The following CAST variants were observed in gnomAD, a reference collection of about 807,000 sequenced individuals.
CAST encodes the protein calpastatin.
In CAST, 76 loss-of-function variants were observed where a neutral mutation model predicts 119.6. The observed-to-expected ratio is 0.64, with a 90% CI of 0.53 to 0.77. The LOEUF is 0.77. CAST is among the 30% of genes least tolerant of loss of function. The pLI is 0.00. For synonymous variants in CAST, 319 were observed against 331.6 expected, an observed-to-expected ratio of 0.96 and a Z score of 0.41; for missense variants, 953 against 946.5, an observed-to-expected ratio of 1.01 and a Z score of -0.09.
At chr5:96,520,207 T>G in the CAST span, among the ~76,000 whole-genome samples, 9 of 152,198 alleles carry the variant, frequency 5.9e-5, no homozygotes, top group Admixed American at 1.3e-4. Context: ...TTTCAGAGGT[T>G]TCTCATTATT....
At chr5:96,717,590 C>T (rs1757411036) in intron 3 of CAST, among the ~76,000 whole-genome samples, 1 of 152,146 alleles carries the variant, frequency 6.6e-6, no homozygotes, top group African/African-American at 2.4e-5. Context: ...GAAACTGAGG[C>T]AGAGAGGTTA....
chr5:96,084,171 C>G, the CAST span, among the ~76,000 whole-genome samples: 1 of 152,070 alleles, frequency 6.6e-6, no homozygotes, highest in African/African-American at 2.4e-5. Context: ...ACTTGGAAAT[C>G]TTATAATAAT....
At chr5:96,120,753 C>T in the CAST span, among the ~76,000 whole-genome samples, 2 of 147,516 alleles carry the variant, frequency 1.4e-5, no homozygotes, top group Non-Finnish European at 1.5e-5. Context: ...AATATACATA[C>T]ATATATATAT....
chr5:96,299,284 AC>A, the CAST span, among the ~76,000 whole-genome samples: 2 of 136,172 alleles, frequency 1.5e-5, no homozygotes, highest in Admixed American at 7.0e-5. Flanking sequence ...AACAACAACA[AC>A]AACAACAAAC....
chr5:96,414,582 C>G, the CAST span, among the ~76,000 whole-genome samples: 1 of 152,164 alleles, frequency 6.6e-6, no homozygotes, highest in Admixed American at 6.5e-5. Context: ...TGGGGCCAGA[C>G]CATCAAAGGA....
the CAST span, among the ~76,000 whole-genome samples, chr5:96,367,854 C>T: frequency 6.6e-6 from 1 of 151,956 alleles, no homozygotes; most frequent in Admixed American, 6.5e-5. Flanking sequence ...CGGAAAAGCC[C>T]CAGTGAGATG....
chr5:96,635,395 C>T (rs1467656840), intron 1 of CAST, among the ~76,000 whole-genome samples: 1 of 152,164 alleles, frequency 6.6e-6, no homozygotes, highest in African/African-American at 2.4e-5. Flanking sequence ...TCTAGATACT[C>T]CTCTCCTAAT....
the CAST span, among the ~76,000 whole-genome samples, chr5:96,104,665 G>C: frequency 6.6e-6 from 1 of 150,494 alleles, no homozygotes; most frequent in African/African-American, 2.5e-5. Flanking sequence ...AAGTCAGGTA[G>C]TGTGATGCCT....
At chr5:96,432,922 C>G in the CAST span, 1 of 1,614,168 alleles carries the variant, frequency 6.2e-7, no homozygotes, top group Non-Finnish European at 8.5e-7. Context: ...TCCGGGCCCC[C>G]GGGGATCTCC....
At chr5:96,447,139 G>T in the CAST span, among the ~76,000 whole-genome samples, 1 of 152,240 alleles carries the variant, frequency 6.6e-6, no homozygotes, top group Non-Finnish European at 1.5e-5. Context: ...GTGCTGCACA[G>T]CATGGTGGCA....
intron 1 of CAST, among the ~76,000 whole-genome samples, chr5:96,605,417 T>C (rs1319159871): frequency 6.6e-6 from 1 of 152,268 alleles, no homozygotes; most frequent in African/African-American, 2.4e-5. Context: ...GCTGATAATG[T>C]GCAAAGCCAG....
chr5:96,105,523 A>G, the CAST span, among the ~76,000 whole-genome samples: 1 of 152,138 alleles, frequency 6.6e-6, no homozygotes, highest in Non-Finnish European at 1.5e-5. Context: ...TTCTGTTTAT[A>G]TGCTGGATTA....
chr5:96,675,407 A>G, intron 1 of CAST, 132 bp from the exon 2 acceptor site: 3 of 636,322 alleles, frequency 4.7e-6, no homozygotes, highest in Non-Finnish European at 8.4e-6. Context: ...GGTGTGAATT[A>G]CCAGCATTCT....
chr5:96,179,701 A>G, the CAST span, among the ~76,000 whole-genome samples: 1 of 152,236 alleles, frequency 6.6e-6, no homozygotes, highest in Non-Finnish European at 1.5e-5. Context: ...CAGGAGCACG[A>G]GAGCACTTGT....
At chr5:96,531,787 G>T (rs905425598) in intron 1 of CAST, among the ~76,000 whole-genome samples, 3 of 152,080 alleles carry the variant, frequency 2.0e-5, no homozygotes, top group Non-Finnish European at 2.9e-5. Context: ...AGAAAATATT[G>T]CCTCATAACA....
chr5:96,167,954 T>C, the CAST span, among the ~76,000 whole-genome samples: 7 of 152,298 alleles, frequency 4.6e-5, no homozygotes, highest in African/African-American at 1.7e-4. Flanking sequence ...GAGAAGTGAT[T>C]TCCTTAAGGA....
the CAST span, among the ~76,000 whole-genome samples, chr5:96,482,634 G>C: frequency 6.6e-6 from 1 of 152,048 alleles, no homozygotes; most frequent in South Asian, 2.1e-4. Flanking sequence ...GATGATAACA[G>C]ATCACTACCA....
chr5:96,076,468 G>A, the CAST span, among the ~76,000 whole-genome samples: 4 of 152,118 alleles, frequency 2.6e-5, no homozygotes, highest in Non-Finnish European at 4.4e-5. Context: ...TAAGGGGCTC[G>A]GGTTCTGGGC....
intron 3 of CAST, among the ~76,000 whole-genome samples, chr5:96,706,123 A>G (rs943725860): frequency 2.6e-5 from 4 of 152,240 alleles, no homozygotes; most frequent in African/African-American, 9.6e-5. Flanking sequence ...TAATATGAAT[A>G]GAGCCCTAAG....
Sources: gnomAD v4.1 joint callset for allele counts (sites outside exome capture counted in the v4.1 genomes callset) on GRCh38, gnomAD v4.1.1 for gene constraint, MANE v1.5 for transcripts, NCBI Gene and HGNC (gene_info 2026-07-23, HGNC 2026-07-21) for gene names.